Variants in CRCP observed in about 807,000 individuals in gnomAD.
CRCP encodes the protein DNA-directed RNA polymerase III subunit RPC9.
A neutral mutation model predicts 18.5 loss-of-function variants in CRCP; 18 were observed. The observed-to-expected ratio is 0.97, with a 90% CI of 0.67 to 1.44. CRCP has a LOEUF of 1.44. CRCP is among the 40% of genes most tolerant of loss of function. The pLI, the probability that CRCP is intolerant of heterozygous loss-of-function variation, is 0.00. For synonymous variants in CRCP, 53 were observed against 62.9 expected (o/e 0.84, Z 0.75); for missense variants, 130 against 176.4 (o/e 0.74, Z 1.49).
intron 4 of CRCP, among the ~76,000 whole-genome samples, chr7:66,138,430 T>C (rs1788032645): frequency 6.6e-6 from 1 of 151,994 alleles, no homozygotes; most frequent in African/African-American, 2.4e-5. Flanking sequence ...ACTCTAACCC[T>C]AATGTGTCAT....
At chr7:66,142,794 G>T (rs1485113346) in intron 4 of CRCP, among the ~76,000 whole-genome samples, 1 of 152,118 alleles carries the variant, frequency 6.6e-6, no homozygotes, top group South Asian at 2.1e-4. Context: ...ACCGTGCCTG[G>T]CTTCTCCTGG....
chr7:66,122,164 A>G (rs979024506), intron 1 of CRCP, among the ~76,000 whole-genome samples: 1 of 152,144 alleles, frequency 6.6e-6, no homozygotes, highest in Non-Finnish European at 1.5e-5. Context: ...TCACAAGGTC[A>G]GGAGATCAAG....
At chr7:66,146,986 C>T (rs1197719564) in intron 5 of CRCP, among the ~76,000 whole-genome samples, 1 of 152,130 alleles carries the variant, frequency 6.6e-6, no homozygotes, top group Non-Finnish European at 1.5e-5. Context: ...ATTAGTGTGA[C>T]CTCAGCCAGA....
At chr7:66,122,955 C>CT (rs199515487) in intron 1 of CRCP, among the ~76,000 whole-genome samples, 233 of 118,752 alleles carry the variant, frequency 2.0e-3, no homozygotes, top group East Asian at 0.011. Context: ...TTCTTTCTTT[C>CT]TTTTTTTTTT....
At chr7:66,115,112 C>G in intron 1 of CRCP, 142 bp downstream of exon 1, 1 of 1,230,862 alleles carries the variant, frequency 8.1e-7, no homozygotes, top group Non-Finnish European at 1.1e-6. Flanking sequence ...GGGAGGGCCG[C>G]GGGGTGGTGA....
In CRCP at chr7:66,154,533, C is replaced by T. The variant is rs1788557453; in HGVS notation, c.*2176C>T. On this transcript the variant is annotated 3_prime_UTR_variant, in exon 6 of 6. Transcript: ENST00000395326. ...AAATCTGAAGAGTTAATATTGTCAT[C>T]GATACAAATAAAGTGAAATCTGACT... The T allele has an allele frequency of 6.6e-6, 1 of 150,514 alleles. No individual in the cohort carries two copies. Among genetic ancestry groups the T allele is most frequent in the South Asian group, 2.1e-4 (1 of 4,786 alleles). The allele number at this position is 150,514 out of a possible 1,614,324, so 9.3% of individuals were successfully genotyped here.
At chr7:66,150,496 C>G (rs944613753) in intron 5 of CRCP, among the ~76,000 whole-genome samples, 55 of 151,848 alleles carry the variant, frequency 3.6e-4, no homozygotes, top group Admixed American at 9.9e-4. Flanking sequence ...CTCCCCCATC[C>G]TGGGACACCA....
At position 66,152,411 on chromosome 7, in the gene CRCP, T is replaced by A; in HGVS notation, c.*54T>A. On this transcript the variant is annotated 3_prime_UTR_variant, in exon 6 of 6. Transcript: ENST00000395326. ...GAAGTCAGAAGGCCTGGCAGCCATT[T>A]CCTGGACGTTGAGAGGATTGTTTAT... is the stretch of plus-strand genomic sequence containing the variant. 1 of 1,596,752 alleles carries A rather than the reference T, an allele frequency of 6.3e-7. No homozygotes were observed. Among genetic ancestry groups the A allele is most frequent in the East Asian group, 2.2e-5 (1 of 44,552 alleles).
intron 4 of CRCP, among the ~76,000 whole-genome samples, chr7:66,137,838 T>C (rs1788014779): frequency 6.6e-6 from 1 of 152,250 alleles, no homozygotes. Context: ...TAAGTCTCTT[T>C]ACCTTCTTTT....
chr7:66,124,536 C>T (rs919519445), intron 1 of CRCP, among the ~76,000 whole-genome samples: 1 of 148,544 alleles, frequency 6.7e-6, no homozygotes, highest in African/African-American at 2.5e-5. Flanking sequence ...CCCTCCTTCC[C>T]TTCCTTCCTT....
At chr7:66,152,113 A>T in intron 5 of CRCP, 95 bp from the exon 6 acceptor site, 1 of 1,422,584 alleles carries the variant, frequency 7.0e-7, no homozygotes, top group Non-Finnish European at 9.7e-7. Flanking sequence ...TCTGTGTGCC[A>T]GGAGGCCGGG....
At position 66,152,313 on chromosome 7, in the gene CRCP, A is replaced by C; in HGVS notation, c.403A>C (p.Asn135His). 1.2e-6 allele frequency: 2 copies of C among 1,614,176 alleles called. No homozygotes were observed. The highest frequency in any genetic ancestry group is 1.7e-5 in the Admixed American group (1 of 60,016). Residue 135 changes from asparagine to histidine, a missense_variant, in exon 6 of 6, where the codon AAT becomes CAT. Asn to His is a moderately conservative substitution (Grantham distance 68). Coordinates refer to ENST00000395326, the MANE Select transcript of CRCP (RefSeq NM_014478.5). ...AGAGCCAGAGGCTGAGCAGAAGAAG[A>C]ATACAAACAGCAATGTGGCAATGGA... The part of the protein sequence containing the change: ...PAEPEAEQKK[N>H]TNSNVAMDEE...
In CRCP at chr7:66,153,904, A is replaced by G. The variant is rs548165174; in HGVS notation, c.*1547A>G. On this transcript the variant is annotated 3_prime_UTR_variant, in exon 6 of 6. Coordinates refer to ENST00000395326, the MANE Select transcript of CRCP (RefSeq NM_014478.5). ...TGAAACCCCCATCTCTACTAAAGAT[A>G]TAAAAAACTAGCCGAGCGTGGTGTT... is the stretch of plus-strand genomic sequence containing the variant. 1 of 152,080 alleles carries G rather than the reference A, an allele frequency of 6.6e-6. No individual in the cohort carries two copies. The highest frequency in any genetic ancestry group is 2.4e-5 in the African/African-American group (1 of 41,518). The allele number at this position is 152,080 out of a possible 1,614,324, so 9.4% of individuals were successfully genotyped here.
At chr7:66,123,310 C>A (rs1787507811) in intron 1 of CRCP, among the ~76,000 whole-genome samples, 1 of 152,092 alleles carries the variant, frequency 6.6e-6, no homozygotes, top group Non-Finnish European at 1.5e-5. Flanking sequence ...TATAGGTAAG[C>A]AGTTTCTAGA....
chr7:66,134,088 G>A (rs1300017027), intron 3 of CRCP, among the ~76,000 whole-genome samples, 192 bp from the exon 4 acceptor site: 1 of 151,828 alleles, frequency 6.6e-6, no homozygotes, highest in Non-Finnish European at 1.5e-5. Context: ...TCGAACTCCT[G>A]ACCTCAGGTG....
intron 1 of CRCP, among the ~76,000 whole-genome samples, chr7:66,121,313 A>C (rs1461789426): frequency 6.6e-6 from 1 of 152,068 alleles, no homozygotes; most frequent in Non-Finnish European, 1.5e-5. Flanking sequence ...GGCCTCCGAA[A>C]GTGCTGGGAT....
intron 1 of CRCP, among the ~76,000 whole-genome samples, chr7:66,115,378 C>CG (rs1290219026): frequency 6.6e-6 from 1 of 152,112 alleles, no homozygotes; most frequent in Non-Finnish European, 1.5e-5. Flanking sequence ...GAATCAGGGC[C>CG]GGGTAGAGCT....
chr7:66,134,365 A>T lies in CRCP; in HGVS notation c.230A>T (p.Lys77Met), dbSNP rs769156071. ...REFLTALKSHKLTKAEKLQLL... is the reference protein window; with the variant it reads ...REFLTALKSHMLTKAEKLQLL... ...TTTCTCACAGCATTGAAAAGCCACA[A>T]GTTGACCAAGTAAGTAAATCTCTTA... Residue 77 changes from lysine (K) to methionine (M), a missense_variant, in exon 4 of 6, where the codon AAG becomes ATG. By Grantham distance (95) the Lys-to-Met change is moderately conservative. Transcript: ENST00000395326. The T allele has an allele frequency of 1.9e-6, 3 of 1,602,008 alleles. No homozygotes were observed. The Admixed American group carries it at 5.2e-5, about 28-fold the overall frequency.
In CRCP at chr7:66,141,368, G is replaced by A. The variant is rs192286899; in HGVS notation, c.240-4075G>A. Among the ~76,000 whole-genome samples, 25 of 151,132 alleles carry A rather than the reference G, an allele frequency of 1.7e-4. No homozygotes were observed. In the East Asian group the frequency reaches 3.7e-3, roughly 22 times the overall value. ...TAACCACGTGCACTTCTCCCACCTC[G>A]CCCACCCTGCTGCCCGTCCCCGCCT... On this transcript the variant is annotated intron_variant, in intron 4 of 5. Transcript: ENST00000395326.
Sources: gnomAD v4.1 joint callset for allele counts (sites outside exome capture counted in the v4.1 genomes callset) on GRCh38, gnomAD v4.1.1 for gene constraint, MANE v1.5 for transcripts, NCBI Gene and HGNC (gene_info 2026-07-23, HGNC 2026-07-21) for gene names.